The following CFAP54 variants were observed in gnomAD, a reference collection of about 807,000 sequenced individuals.
CFAP54 encodes cilia and flagella associated protein 54, also known as cilia- and flagella-associated protein 54.
Under a neutral mutation model 370.4 loss-of-function variants are expected in CFAP54, and 290 were observed. That is an observed-to-expected ratio of 0.78 (90% CI 0.71 to 0.86). The LOEUF (loss-of-function observed/expected upper bound fraction) is 0.86, where lower values mean the gene tolerates loss of function less well. Among genes scored for constraint, CFAP54 ranks in the 40% least tolerant of loss-of-function variants. The probability of loss-of-function intolerance (pLI) is 0.00; values close to 1 mark genes in which losing one functional copy is unlikely to be tolerated. For synonymous variants in CFAP54, 1,206 were observed against 1,236.5 expected (o/e 0.98, Z 0.52); for missense variants, 3,399 against 3,528.7 (o/e 0.96, Z 0.93).
Position 96,860,870 on chromosome 12 carries a change from G to T in CFAP54, c.9223G>T (p.Asp3075Tyr). Residue 3075 changes from aspartate (D) to tyrosine (Y), a missense_variant, in exon 67 of 68, where the codon GAT (aspartate) becomes TAT (tyrosine). Physicochemically the swap from Asp to Tyr is radical, Grantham distance 160 (BLOSUM62 -3). This residue lies in a region of CFAP54 where 2,796 missense variants were observed against 2,869.7 expected (regional missense o/e 0.97). Coordinates refer to ENST00000524981, the MANE Select transcript of CFAP54 (RefSeq NM_001306084.2). ...PSIFNLERLF[D>Y]LANGCILSGG... ...TATATTCAATCTTGAGAGACTTTTT[G>T]ATCTGGCTAATGGTTGCATTTTATC... The T allele has an allele frequency of 6.5e-7, 1 of 1,534,226 alleles. No individual in the cohort carries two copies. Among genetic ancestry groups the T allele is most frequent in the East Asian group, 2.5e-5 (1 of 40,784 alleles).
chr12:96,777,537 C>T (rs1207567907), intron 60 of CFAP54, among the ~76,000 whole-genome samples: 4 of 151,942 alleles, frequency 2.6e-5, no homozygotes, highest in East Asian at 1.9e-4. Flanking sequence ...TTAGTAGAGA[C>T]GGGGTTTCTC....
At chr12:96,702,200 A>G (rs568468034) in intron 46 of CFAP54, among the ~76,000 whole-genome samples, 1 of 152,108 alleles carries the variant, frequency 6.6e-6, no homozygotes, top group Admixed American at 6.5e-5. Flanking sequence ...GTGTACTGAG[A>G]TGGGGAATAC....
Position 96,727,964 on chromosome 12 carries a change from G to A in CFAP54, c.6965+7399G>A, listed in dbSNP as rs1303545806. Among the ~76,000 whole-genome samples, 18 of 151,420 alleles carry A rather than the reference G, an allele frequency of 1.2e-4. No homozygotes were observed. The South Asian group carries it at 3.8e-3, about 32-fold the overall frequency. ...TTAGTTTGGCTGGATATGAAATTCT[G>A]GGTTGAAAATTCTTTTCTTTAAGAA... On this transcript the variant is annotated intron_variant, in intron 50 of 67. Transcript: ENST00000524981.
intron 50 of CFAP54, among the ~76,000 whole-genome samples, chr12:96,734,602 G>T (rs2136632027): frequency 6.6e-6 from 1 of 152,030 alleles, no homozygotes; most frequent in South Asian, 2.1e-4. Flanking sequence ...TGATAATTGG[G>T]GTTCCCAAGA....
At chr12:96,550,531 C>T (rs560297200) in intron 15 of CFAP54, among the ~76,000 whole-genome samples, 167 of 152,096 alleles carry the variant, frequency 1.1e-3, no homozygotes, top group Non-Finnish European at 2.0e-3. Context: ...GAGCCAAGAT[C>T]GCACCACTGC....
At chr12:96,591,839 C>T (rs1190008408) in intron 23 of CFAP54, among the ~76,000 whole-genome samples, 1 of 148,802 alleles carries the variant, frequency 6.7e-6, no homozygotes, top group African/African-American at 2.5e-5. Context: ...TGCAGTGAGT[C>T]GAGATCGCGC....
At chr12:96,772,590 A>G (rs983005676) in intron 60 of CFAP54, among the ~76,000 whole-genome samples, 6 of 134,302 alleles carry the variant, frequency 4.5e-5, no homozygotes, top group Admixed American at 7.4e-5. Context: ...ATTGGTGGGC[A>G]ATTTTTTTTT....
intron 62 of CFAP54, among the ~76,000 whole-genome samples, chr12:96,789,830 C>T (rs1477227497): frequency 6.6e-6 from 1 of 152,126 alleles, no homozygotes; most frequent in Non-Finnish European, 1.5e-5. Flanking sequence ...ACAGGTGAAG[C>T]CACCTCATCA....
chr12:96,663,991 TTCTGCA>T, intron 39 of CFAP54, 59 bp downstream of exon 39: 1 of 1,256,940 alleles, frequency 8.0e-7, no homozygotes, highest in Admixed American at 1.9e-5. Context: ...TGCCATTGTG[TTCTGCA>T]TGTCAAACCT....
chr12:96,506,788 T>A, intron 3 of CFAP54, 140 bp from the exon 4 acceptor site: 1 of 614,030 alleles, frequency 1.6e-6, no homozygotes. Context: ...GATTTCATCA[T>A]GTTGGCCAGG....
chr12:96,589,668 T>A (rs998638943), intron 23 of CFAP54, 105 bp downstream of exon 23: 1 of 625,508 alleles, frequency 1.6e-6, no homozygotes, highest in Middle Eastern at 4.3e-4. Context: ...ATAGTCCATA[T>A]ACAATCATCA....
intron 36 of CFAP54, among the ~76,000 whole-genome samples, chr12:96,654,388 C>A (rs1187491545): frequency 1.3e-5 from 2 of 151,138 alleles, no homozygotes; most frequent in Non-Finnish European, 3.0e-5. Flanking sequence ...GTAGTCCCAG[C>A]TACTTGGGAG....
At chr12:96,638,719 G>T (rs147685811) in intron 32 of CFAP54, among the ~76,000 whole-genome samples, 2 of 152,016 alleles carry the variant, frequency 1.3e-5, no homozygotes, top group African/African-American at 4.8e-5. Context: ...TTTATTGATG[G>T]TATGTAGAAA....
At chr12:96,782,980 A>G (rs1958595032) in intron 60 of CFAP54, among the ~76,000 whole-genome samples, 1 of 152,240 alleles carries the variant, frequency 6.6e-6, no homozygotes, top group Non-Finnish European at 1.5e-5. Context: ...GAAATACTAC[A>G]TAATAACAAA....
intron 42 of CFAP54, among the ~76,000 whole-genome samples, chr12:96,685,791 A>T (rs1258945059): frequency 6.6e-6 from 1 of 152,166 alleles, no homozygotes; most frequent in Non-Finnish European, 1.5e-5. Flanking sequence ...ACTTCTGGTG[A>T]TCTGCCCACC....
At chr12:96,576,257 C>G (rs1470928252) in intron 19 of CFAP54, among the ~76,000 whole-genome samples, 1 of 151,660 alleles carries the variant, frequency 6.6e-6, no homozygotes, top group Non-Finnish European at 1.5e-5. Flanking sequence ...ATGGTATGAA[C>G]CTTTTAGGGA....
intron 60 of CFAP54, among the ~76,000 whole-genome samples, chr12:96,774,502 C>A (rs1958495946): frequency 6.6e-6 from 1 of 152,004 alleles, no homozygotes; most frequent in Admixed American, 6.5e-5. Context: ...ATTGATCTGT[C>A]CATTCTGGTT....
chr12:96,806,215 A>ATATAT (rs1565984969), intron 63 of CFAP54, among the ~76,000 whole-genome samples: 2 of 79,456 alleles, frequency 2.5e-5, no homozygotes, highest in African/African-American at 4.3e-5. Flanking sequence ...TATATATATA[A>ATATAT]TAACAACATA....
At chr12:96,593,686 G>A (rs7980174) in intron 24 of CFAP54, among the ~76,000 whole-genome samples, 24,680 of 148,652 alleles carry the variant, frequency 0.17, 2,167 homozygotes, top group African/African-American at 0.21. Flanking sequence ...ACATAATCTT[G>A]AATATATATA....
Sources: gnomAD v4.1 joint callset for allele counts (sites outside exome capture counted in the v4.1 genomes callset) on GRCh38, gnomAD v4.1.1 for gene constraint, gnomAD v4.1.1 regional missense constraint, MANE v1.5 for transcripts, NCBI Gene and HGNC (gene_info 2026-07-23, HGNC 2026-07-21) for gene names.